ARL15: variants seen among roughly 807,000 people sequenced by gnomAD.
The protein encoded by ARL15 is ADP-ribosylation factor-like protein 15.
ARL15 carries 19 observed loss-of-function variants against 25.2 expected under a neutral mutation model. The ratio of observed to expected loss-of-function variants is 0.75; its 90% confidence interval spans 0.53 to 1.10. The LOEUF (loss-of-function observed/expected upper bound fraction) is 1.10, where lower values mean the gene tolerates loss of function less well. Ranked by LOEUF, ARL15 falls within the 50% of genes least tolerant of loss-of-function variation. The probability of loss-of-function intolerance (pLI) is 0.00; values close to 1 mark genes in which losing one functional copy is unlikely to be tolerated. For missense variants in ARL15, 220 were observed against 246.0 expected, an observed-to-expected ratio of 0.89 and a Z score of 0.71; for synonymous variants, 94 against 86.8, an observed-to-expected ratio of 1.08 and a Z score of -0.46.
chr5:54,133,229 C>G (rs1753489559), intron 3 of ARL15, among the ~76,000 whole-genome samples: 1 of 152,164 alleles, frequency 6.6e-6, no homozygotes, highest in Admixed American at 6.5e-5. Context: ...TATAGAAGAT[C>G]TGGGAAGTGC....
intron 1 of ARL15, among the ~76,000 whole-genome samples, chr5:54,291,866 A>C (rs1275537482): frequency 6.6e-6 from 1 of 152,100 alleles, no homozygotes; most frequent in Non-Finnish European, 1.5e-5. Context: ...CAACTGCCAG[A>C]CCCTACGGAA....
At chr5:54,177,748 C>T (rs973980916) in intron 1 of ARL15, among the ~76,000 whole-genome samples, 1 of 152,178 alleles carries the variant, frequency 6.6e-6, no homozygotes, top group Non-Finnish European at 1.5e-5. Flanking sequence ...CACCACTATT[C>T]CTTCACATGG....
chr5:54,157,134 G>C (rs1579856388), intron 2 of ARL15, among the ~76,000 whole-genome samples: 2 of 151,730 alleles, frequency 1.3e-5, no homozygotes, highest in African/African-American at 4.9e-5. Context: ...ACAGGCACAG[G>C]CCTCAACTTT....
chr5:54,201,915 T>C (rs1231887525), intron 1 of ARL15, among the ~76,000 whole-genome samples: 1 of 152,020 alleles, frequency 6.6e-6, no homozygotes, highest in Non-Finnish European at 1.5e-5. Context: ...TATATAGGGA[T>C]AAAAATCAAG....
chr5:54,041,926 T>G (rs1750355545), intron 4 of ARL15, among the ~76,000 whole-genome samples: 1 of 152,136 alleles, frequency 6.6e-6, no homozygotes, highest in East Asian at 1.9e-4. Context: ...TTTATTCTAG[T>G]TGGGAATGAA....
At chr5:54,070,561 T>C (rs2112069225) in intron 4 of ARL15, among the ~76,000 whole-genome samples, 1 of 151,986 alleles carries the variant, frequency 6.6e-6, no homozygotes, top group Middle Eastern at 3.5e-3. Flanking sequence ...CATTTCTTGG[T>C]TGGGTCTGGT....
chr5:53,965,304 T>C (rs1747515971), intron 4 of ARL15, among the ~76,000 whole-genome samples: 1 of 152,184 alleles, frequency 6.6e-6, no homozygotes, highest in Non-Finnish European at 1.5e-5. Flanking sequence ...GGTATTTTGG[T>C]GGAAGAAGAT....
chr5:54,140,616 T>C (rs1229628220), intron 3 of ARL15, among the ~76,000 whole-genome samples: 1 of 152,224 alleles, frequency 6.6e-6, no homozygotes, highest in Non-Finnish European at 1.5e-5. Flanking sequence ...TTTTACCCGC[T>C]TGGCATATTA....
In ARL15 at chr5:54,130,348, ACT is replaced by A. The variant is rs1279737216; in HGVS notation, c.254-16940_254-16939del. 3.9e-5 allele frequency among the ~76,000 whole-genome samples: 6 copies of A among 152,296 alleles called. No individual in the cohort carries two copies. The South Asian group carries it at 8.3e-4, about 21-fold the overall frequency. ...ATTTAAAAAAAGTGTTCTGGGAAGCACTCTCTTTCCTAATGCAACACCCAGTG... is the reference window on the plus strand; with the variant it reads ...ATTTAAAAAAAGTGTTCTGGGAAGCACTCTTTCCTAATGCAACACCCAGTG... On this transcript the variant is annotated intron_variant, in intron 3 of 4. Coordinates refer to ENST00000504924, the MANE Select transcript of ARL15 (RefSeq NM_019087.3).
At chr5:53,992,068 A>T (rs1414572262) in intron 4 of ARL15, among the ~76,000 whole-genome samples, 1 of 152,222 alleles carries the variant, frequency 6.6e-6, no homozygotes, top group East Asian at 1.9e-4. Context: ...GTTGCCATGC[A>T]GTACTTGCTT....
At chr5:54,159,309 G>C (rs1441374530) in intron 2 of ARL15, among the ~76,000 whole-genome samples, 1 of 152,106 alleles carries the variant, frequency 6.6e-6, no homozygotes, top group Non-Finnish European at 1.5e-5. Flanking sequence ...ATCCATGACA[G>C]TGTAACTACT....
chr5:54,130,831 TTAAA>T (rs1753404794), intron 3 of ARL15, among the ~76,000 whole-genome samples: 1 of 152,200 alleles, frequency 6.6e-6, no homozygotes, highest in African/African-American at 2.4e-5. Flanking sequence ...TGAAGGAAAC[TTAAA>T]TGAATGGCAC....
chr5:54,243,784 C>A (rs1426081293), intron 1 of ARL15, among the ~76,000 whole-genome samples: 2 of 152,140 alleles, frequency 1.3e-5, no homozygotes, highest in East Asian at 3.8e-4. Flanking sequence ...GGCCCATTGG[C>A]CTCTAAAGTA....
intron 4 of ARL15, among the ~76,000 whole-genome samples, chr5:53,890,785 A>G (rs1744683733): frequency 6.6e-6 from 1 of 152,212 alleles, no homozygotes; most frequent in African/African-American, 2.4e-5. Context: ...CGTTTACTGT[A>G]AAGTCCCAAT....
At chr5:53,927,577 A>G (rs1746070973) in intron 4 of ARL15, among the ~76,000 whole-genome samples, 2 of 152,296 alleles carry the variant, frequency 1.3e-5, no homozygotes, top group African/African-American at 2.4e-5. Flanking sequence ...GGCACTGTCC[A>G]TATCAACTCA....
At chr5:54,130,470 A>G (rs1561235667) in intron 3 of ARL15, among the ~76,000 whole-genome samples, 5 of 152,204 alleles carry the variant, frequency 3.3e-5, no homozygotes, top group Non-Finnish European at 5.9e-5. Flanking sequence ...AATTTTGTTT[A>G]GTCTACAATA....
Position 53,970,703 on chromosome 5 carries a change from T to C in ARL15, c.463-83990A>G, listed in dbSNP as rs143955121. 1.8e-3 allele frequency among the ~76,000 whole-genome samples: 276 copies of C among 151,872 alleles called. 2 individuals carry two copies. The Middle Eastern group carries it at 0.041, about 23-fold the overall frequency. ...ATAGGCTGGAGGACAAGTTGACTCA[T>C]TGGGCCCTGAAAGTTTTCCATCCCA... On this transcript the variant is annotated intron_variant, in intron 4 of 4. Transcript: ENST00000504924.
intron 3 of ARL15, among the ~76,000 whole-genome samples, chr5:54,133,923 C>G (rs1473851949): frequency 6.6e-6 from 1 of 152,016 alleles, no homozygotes; most frequent in Non-Finnish European, 1.5e-5. Flanking sequence ...CTAGAGAGGG[C>G]ATAAAAAGAG....
In ARL15 at chr5:54,061,267, T is replaced by C. The variant is rs1561207744; in HGVS notation, c.462+51935A>G. ...CTTCAGATGGTGCAGGCCCCAAGCC[T>C]TCACAGCTTCCATGTGGTGTTGAGC... On this transcript the variant is annotated intron_variant, in intron 4 of 4. Transcript: ENST00000504924. Among the ~76,000 whole-genome samples the C allele has an allele frequency of 2.0e-5, 3 of 152,278 alleles. 1 individual carries two copies. In the South Asian group the frequency reaches 6.2e-4, roughly 32 times the overall value.
Sources: allele counts gnomAD v4.1 joint callset (sites outside exome capture counted in the v4.1 genomes callset), GRCh38; gene constraint gnomAD v4.1.1; transcripts MANE v1.5; gene names NCBI Gene and HGNC (gene_info 2026-07-23, HGNC 2026-07-21).